The following STAG3 variants were observed in gnomAD, a reference collection of about 807,000 sequenced individuals.
STAG3 encodes cohesin subunit SA-3.
In STAG3, 101 loss-of-function variants were observed where a neutral mutation model predicts 160.7. That is an observed-to-expected ratio of 0.63 (90% CI 0.54 to 0.74). The LOEUF (loss-of-function observed/expected upper bound fraction) is 0.74, where lower values mean the gene tolerates loss of function less well. STAG3 is among the 30% of genes least tolerant of loss of function. STAG3 has a pLI of 0.00. For synonymous variants in STAG3, 519 were observed against 585.0 expected (o/e 0.89, Z 1.63); for missense variants, 1,188 against 1,517.4 (o/e 0.78, Z 3.61).
chr7:100,206,257 C>T (rs1019991912), intron 29 of STAG3, among the ~76,000 whole-genome samples: 1 of 152,010 alleles, frequency 6.6e-6, no homozygotes, highest in African/African-American at 2.4e-5. Context: ...ACCTCATGAT[C>T]TGCCTGCCTC....
At position 100,211,515 on chromosome 7, in the gene STAG3, C is replaced by G. The variant is rs1346083699; in HGVS notation, c.3494C>G (p.Pro1165Arg). 6.2e-7 allele frequency: 1 copy of G among 1,613,736 alleles called. No homozygotes were observed. The highest frequency in any genetic ancestry group is 8.5e-7 in the Non-Finnish European group (1 of 1,180,004). The change falls in exon 31 of 34, where the codon CCT becomes CGT. Residue 1165 changes from proline to arginine, a missense_variant. Physicochemically the swap from Pro to Arg is moderately radical, Grantham distance 103. Coordinates refer to ENST00000615138, the MANE Select transcript of STAG3 (RefSeq NM_001282717.2). ...YFQTPHNPSG[P>R]GLGNQLMRLS... The stretch of plus-strand genomic sequence containing the variant: ...CAGACTCCACACAACCCTTCAGGTC[C>G]TGGCCTGGGCAACCAGCTGATGCGG...
chr7:100,201,654 C>A, intron 21 of STAG3, 132 bp from the exon 22 acceptor site: 1 of 792,960 alleles, frequency 1.3e-6, no homozygotes, highest in Non-Finnish European at 2.1e-6. Flanking sequence ...CAGAATATCA[C>A]TCATTTTCCA....
chr7:100,192,159 A>G (rs1800381909), intron 8 of STAG3, among the ~76,000 whole-genome samples: 1 of 152,228 alleles, frequency 6.6e-6, no homozygotes, highest in Admixed American at 6.5e-5. Flanking sequence ...GGTTAGAATC[A>G]ACTTAACTCT....
At chr7:100,188,661 G>T in intron 6 of STAG3, 132 bp downstream of exon 6, 1 of 1,103,380 alleles carries the variant, frequency 9.1e-7, no homozygotes. Context: ...GGGTAAAAGA[G>T]ATCTGAATAT....
chr7:100,213,814 T>C lies in STAG3; in HGVS notation c.3672+8T>C. 6.2e-7 allele frequency: 1 copy of C among 1,614,166 alleles called. No individual in the cohort carries two copies. Among genetic ancestry groups the C allele is most frequent in the Non-Finnish European group, 8.5e-7 (1 of 1,179,994 alleles). ...ACAGAGCTGGATATTGAGGTGAGTG[T>C]CCCCAGAGCAGGAGTTATGTATCCT... On this transcript the variant is annotated splice_region_variant and intron_variant, in intron 33 of 33. Transcript: ENST00000615138.
In STAG3 at chr7:100,205,187, C is replaced by G. The variant is rs1426653278; in HGVS notation, c.3081-40C>G. 5.0e-6 allele frequency: 8 copies of G among 1,613,304 alleles called. No individual in the cohort carries two copies. The Admixed American group carries it at 1.3e-4, about 27-fold the overall frequency. On this transcript the variant is annotated intron_variant, in intron 28 of 33. Transcript: ENST00000615138. ...ATTAGGGAAGGGCCTGCTGAGGGCCCAGTAGCCCCTTCAGGCTTTTGGTTC... is the reference window on the plus strand; with the variant it reads ...ATTAGGGAAGGGCCTGCTGAGGGCCGAGTAGCCCCTTCAGGCTTTTGGTTC...
At chr7:100,218,498 A>G, downstream of STAG3, 2 of 246,664 alleles carry the variant, frequency 8.1e-6, no homozygotes, top group South Asian at 4.7e-5. Context: ...AATTGTTTTA[A>G]GATTATTTTC....
At chr7:100,185,286 C>T (rs79246196) in intron 4 of STAG3, among the ~76,000 whole-genome samples, 2,555 of 152,200 alleles carry the variant, frequency 0.017, 86 homozygotes, top group African/African-American at 0.058. Context: ...CAGCCTGAAT[C>T]GCTTTTAATT....
rs1800875493 is a variant in STAG3, at chr7:100,198,953, G to A, written c.1463G>A (p.Ser488Asn). Residue 488 changes from serine to asparagine, a missense_variant, in exon 14 of 34, where the codon AGC becomes AAC. By Grantham distance (46) the Ser-to-Asn change is conservative. Around this residue, in one of 4 missense-constraint regions of STAG3, gnomAD observed 240 missense variants for 358.1 expected, o/e 0.67. Transcript: ENST00000615138. ...FQLLLSFFVE[S>N]ELHDHAAYLV... ...CTTCTGCTGTCCTTCTTTGTGGAGA[G>A]CGAGGTGACATACACAGAGAGAAGT... 2 of 1,608,340 alleles carry A rather than the reference G, an allele frequency of 1.2e-6. No homozygotes were observed. The highest frequency in any genetic ancestry group is 1.7e-6 in the Non-Finnish European group (2 of 1,178,558).
At chr7:100,182,695 A>G in intron 3 of STAG3, 28 bp from the exon 4 acceptor site, 3 of 1,597,684 alleles carry the variant, frequency 1.9e-6, no homozygotes, top group South Asian at 1.1e-5. Context: ...TTTTTTTTTC[A>G]TATTTCTGAT....
rs773983532 is a variant in STAG3 at position 100,199,399 on chromosome 7, C to T, written c.1573+32C>T. 21 of 1,590,548 alleles carry T rather than the reference C, an allele frequency of 1.3e-5. No homozygotes were observed. In the Admixed American group the frequency reaches 1.3e-4, roughly 10 times the overall value. ...GTCACACGGAGCCAGGGACAGGGAC[C>T]TTCCACCCCCTAGGGTGAAACTGGG... On this transcript the variant is annotated intron_variant, in intron 15 of 33. Coordinates refer to ENST00000615138, the MANE Select transcript of STAG3 (RefSeq NM_001282717.2).
chr7:100,199,504 C>G (rs573945610), intron 15 of STAG3, 37 bp from the exon 16 acceptor site: 1 of 1,578,398 alleles, frequency 6.3e-7, no homozygotes, highest in East Asian at 2.3e-5. Flanking sequence ...GGTGGCTAAT[C>G]TTTGATTCTA....
chr7:100,214,359 C>T lies in STAG3; in HGVS notation c.*344C>T, dbSNP rs959437546. On this transcript the variant is annotated 3_prime_UTR_variant, in exon 34 of 34. Transcript: ENST00000615138. The stretch of plus-strand genomic sequence containing the variant: ...GCCTATTTTGTGTCCTAATGATTCG[C>T]TCAATAAACATGTTTGAATCCACAC... 8.3e-6 allele frequency: 3 copies of T among 360,042 alleles called. No homozygotes were observed. The highest frequency in any genetic ancestry group is 6.2e-5 in the African/African-American group (3 of 48,402). 22.3% of individuals were successfully genotyped at this position (360,042 alleles called of 1,614,324 possible).
At chr7:100,212,167 T>C (rs117369923) in intron 32 of STAG3, 2,898 of 288,340 alleles carry the variant, frequency 0.01, 21 homozygotes, top group Non-Finnish European at 0.014. Context: ...TTGGAAGGAG[T>C]CCTAATGCTG....
At chr7:100,187,222 G>A (rs1470207426) in intron 5 of STAG3, among the ~76,000 whole-genome samples, 1 of 151,948 alleles carries the variant, frequency 6.6e-6, no homozygotes, top group Non-Finnish European at 1.5e-5. Flanking sequence ...AGTAGAGATG[G>A]GGTTTCACCA....
chr7:100,205,481 A>G, intron 29 of STAG3, 97 bp downstream of exon 29: 1 of 1,222,528 alleles, frequency 8.2e-7, no homozygotes, highest in Non-Finnish European at 1.1e-6. Flanking sequence ...ATCTACTGTC[A>G]TTCAGGGTAT....
chr7:100,202,069 A>G (rs1364802621), intron 23 of STAG3, 28 bp downstream of exon 23: 1 of 1,613,514 alleles, frequency 6.2e-7, no homozygotes, highest in South Asian at 1.1e-5. Context: ...TGGGAGCAAC[A>G]AGGCGAGTAT....
At chr7:100,201,701 TCTC>T (rs962035256) in intron 21 of STAG3, 82 bp from the exon 22 acceptor site, 14 of 1,158,032 alleles carry the variant, frequency 1.2e-5, no homozygotes, top group Admixed American at 8.7e-5. Context: ...ACTCATTTTC[TCTC>T]CTCTTCACTG....
intron 31 of STAG3, 38 bp downstream of exon 31, chr7:100,211,577 T>C: frequency 1.2e-6 from 2 of 1,604,868 alleles, no homozygotes; most frequent in African/African-American, 2.7e-5. Context: ...TCACTTCAGA[T>C]CTGTCGCCCA....
Sources: gnomAD v4.1 joint callset for allele counts (sites outside exome capture counted in the v4.1 genomes callset) on GRCh38, gnomAD v4.1.1 for gene constraint, gnomAD v4.1.1 regional missense constraint, MANE v1.5 for transcripts, NCBI Gene and HGNC (gene_info 2026-07-23, HGNC 2026-07-21) for gene names.